The following ERC1 variants were observed in gnomAD, a reference collection of about 807,000 sequenced individuals.
ERC1 encodes ELKS/RAB6-interacting/CAST family member 1.
ERC1 carries 56 observed loss-of-function variants against 132.0 expected under a neutral mutation model. The ratio of observed to expected loss-of-function variants is 0.42; its 90% CI spans 0.34 to 0.53. The LOEUF (loss-of-function observed/expected upper bound fraction) is 0.53, where lower values mean the gene tolerates loss of function less well. Ranked by LOEUF, ERC1 falls within the 20% of genes least tolerant of loss-of-function variation. ERC1 has a pLI of 0.03. For missense variants in ERC1, 1,202 were observed against 1,349.9 expected, an observed-to-expected ratio of 0.89 and a Z score of 1.72; for synonymous variants, 478 against 476.1, an observed-to-expected ratio of 1.00 and a Z score of -0.05.
At chr12:1,468,612 C>A (rs566586173) in intron 18 of ERC1, among the ~76,000 whole-genome samples, 169 of 148,714 alleles carry the variant, frequency 1.1e-3, no homozygotes, top group East Asian at 2.8e-3. Flanking sequence ...AAAAGAAAGA[C>A]AGAAAAAGAG....
intron 17 of ERC1, among the ~76,000 whole-genome samples, chr12:1,439,447 TAAAC>T (rs1266810576): frequency 2.0e-5 from 3 of 152,178 alleles, no homozygotes; most frequent in African/African-American, 4.8e-5. Context: ...ATCTAATACA[TAAAC>T]AAATAAATTC....
chr12:1,418,718 CTTT>C (rs2092299613), intron 17 of ERC1, among the ~76,000 whole-genome samples: 1 of 99,590 alleles, frequency 1.0e-5, no homozygotes, highest in Non-Finnish European at 2.0e-5. Flanking sequence ...TTCTTTCTTT[CTTT>C]CTTTTTGGAG....
At chr12:1,244,654 T>G (rs953517424) in intron 13 of ERC1, 1 of 415,650 alleles carries the variant, frequency 2.4e-6, no homozygotes, top group Non-Finnish European at 4.9e-6. Context: ...CCCGAGTAGC[T>G]GGGATTCCAG....
chr12:1,334,486 G>A (rs550590814), intron 15 of ERC1, among the ~76,000 whole-genome samples: 2 of 152,272 alleles, frequency 1.3e-5, no homozygotes, highest in Non-Finnish European at 2.9e-5. Context: ...TTAGTGAATA[G>A]GGAGTCCTTT....
At chr12:1,118,326 T>C (rs1946681691) in intron 7 of ERC1, among the ~76,000 whole-genome samples, 1 of 152,174 alleles carries the variant, frequency 6.6e-6, no homozygotes, top group African/African-American at 2.4e-5. Flanking sequence ...AAATGACTTT[T>C]CCCCCTTGGC....
intron 18 of ERC1, among the ~76,000 whole-genome samples, chr12:1,471,058 C>G (rs2093850714): frequency 6.6e-6 from 1 of 152,126 alleles, no homozygotes; most frequent in Non-Finnish European, 1.5e-5. Context: ...GTCATGTTTT[C>G]TGTTCTCTTG....
chr12:1,484,271 C>G (rs558833295), intron 18 of ERC1, among the ~76,000 whole-genome samples: 1 of 151,112 alleles, frequency 6.6e-6, no homozygotes, highest in Non-Finnish European at 1.5e-5. Flanking sequence ...CACCACTGCA[C>G]TCCAGCCTGG....
chr12:1,294,806 ATGTTTTT>A (rs2079787400), intron 15 of ERC1, among the ~76,000 whole-genome samples: 2 of 151,820 alleles, frequency 1.3e-5, no homozygotes, highest in African/African-American at 4.8e-5. Flanking sequence ...TGGATTTTTG[ATGTTTTT>A]TGTTTTTTAA....
intron 7 of ERC1, among the ~76,000 whole-genome samples, chr12:1,134,791 TG>T (rs1451357877): frequency 6.6e-6 from 1 of 150,820 alleles, no homozygotes; most frequent in Non-Finnish European, 1.5e-5. Context: ...TGCAATGGCG[TG>T]ATCTCAGCTC....
At chr12:1,297,423 C>A (rs576868159) in intron 15 of ERC1, among the ~76,000 whole-genome samples, 2 of 151,184 alleles carry the variant, frequency 1.3e-5, no homozygotes, top group African/African-American at 2.4e-5. Flanking sequence ...AGACATGGGC[C>A]GGGCACTGTG....
intron 12 of ERC1, among the ~76,000 whole-genome samples, chr12:1,212,574 G>A (rs1957977856): frequency 6.6e-6 from 1 of 152,150 alleles, no homozygotes; most frequent in Non-Finnish European, 1.5e-5. Flanking sequence ...GCTAAAGACG[G>A]GGTCCTTGTC....
Position 1,039,347 on chromosome 12 carries a change from A to T in ERC1, c.669+10775A>T, listed in dbSNP as rs188681407. 1.7e-3 allele frequency among the ~76,000 whole-genome samples: 256 copies of T among 149,526 alleles called. 1 individual carries two copies. The highest frequency in any genetic ancestry group is 5.2e-3 in the East Asian group (27 of 5,162). ...AGCGAGACGTTGTCTCAAAAAAAAA[A>T]AAAAATAAAAATAAATAAATAAATA... On this transcript the variant is annotated intron_variant, in intron 2 of 18. Coordinates refer to ENST00000360905, the MANE Select transcript of ERC1 (RefSeq NM_178040.4).
intron 2 of ERC1, among the ~76,000 whole-genome samples, chr12:1,046,263 G>A (rs563990288): frequency 2.0e-5 from 3 of 152,132 alleles, no homozygotes; most frequent in Non-Finnish European, 4.4e-5. Flanking sequence ...TAACTTTGTA[G>A]TGACAGTTTT....
intron 17 of ERC1, among the ~76,000 whole-genome samples, chr12:1,440,067 C>G (rs1308550915): frequency 1.3e-5 from 2 of 152,118 alleles, no homozygotes; most frequent in East Asian, 3.8e-4. Context: ...TATTTTGATA[C>G]CTCTATACAA....
chr12:1,095,253 A>AAT (rs1159090342), intron 3 of ERC1, among the ~76,000 whole-genome samples: 1 of 152,048 alleles, frequency 6.6e-6, no homozygotes, highest in Non-Finnish European at 1.5e-5. Context: ...AACATGCTGA[A>AAT]ATGCCGTCTC....
At chr12:1,325,545 T>G (rs1443117982) in intron 15 of ERC1, among the ~76,000 whole-genome samples, 2 of 152,192 alleles carry the variant, frequency 1.3e-5, no homozygotes, top group African/African-American at 4.8e-5. Context: ...CATAAAACTT[T>G]ATAAATTTAA....
intron 2 of ERC1, among the ~76,000 whole-genome samples, chr12:1,081,252 C>T (rs1397490814): frequency 4.6e-5 from 7 of 152,116 alleles, no homozygotes; most frequent in East Asian, 1.9e-4. Flanking sequence ...ATTAAAGGTT[C>T]GTGTACCTTC....
chr12:1,177,183 G>A (rs1047008480), intron 8 of ERC1, among the ~76,000 whole-genome samples: 1 of 152,108 alleles, frequency 6.6e-6, no homozygotes, highest in Admixed American at 6.5e-5. Context: ...GTTTGATCCT[G>A]TATCCAAACC....
At chr12:1,105,697 G>A (rs752556331) in intron 4 of ERC1, among the ~76,000 whole-genome samples, 2 of 151,952 alleles carry the variant, frequency 1.3e-5, no homozygotes, top group Non-Finnish European at 2.9e-5. Context: ...CTTCTTCAAG[G>A]GCGGTATTAA....
Sources: allele counts gnomAD v4.1 joint callset (sites outside exome capture counted in the v4.1 genomes callset), GRCh38; gene constraint gnomAD v4.1.1; transcripts MANE v1.5; gene names NCBI Gene and HGNC (gene_info 2026-07-23, HGNC 2026-07-21).